The following PPP1R9A variants were observed in gnomAD, a reference collection of about 807,000 sequenced individuals.
PPP1R9A encodes the protein neurabin-1.
A neutral mutation model predicts 141.9 loss-of-function variants in PPP1R9A; 59 were observed. That is an observed-to-expected ratio of 0.42 (90% CI 0.34 to 0.52). PPP1R9A has a LOEUF of 0.52. PPP1R9A is among the 20% of genes least tolerant of loss of function. The pLI is 0.10. For synonymous variants in PPP1R9A, 500 were observed against 569.7 expected (o/e 0.88, Z 1.74); for missense variants, 1,444 against 1,611.9 (o/e 0.90, Z 1.78).
At chr7:94,913,596 A>T (rs1208699805) in intron 2 of PPP1R9A, among the ~76,000 whole-genome samples, 2 of 152,192 alleles carry the variant, frequency 1.3e-5, no homozygotes, top group African/African-American at 4.8e-5. Flanking sequence ...AATGAATAAC[A>T]CAATTACTCT....
chr7:95,109,314 A>G (rs1584733524), intron 2 of PPP1R9A, among the ~76,000 whole-genome samples: 1 of 152,216 alleles, frequency 6.6e-6, no homozygotes, highest in Non-Finnish European at 1.5e-5. Flanking sequence ...TGCTGCTTTT[A>G]TATCAGTTAC....
At chr7:95,161,186 G>GTT (rs202222028) in intron 4 of PPP1R9A, among the ~76,000 whole-genome samples, 1 of 147,300 alleles carries the variant, frequency 6.8e-6, no homozygotes, top group Admixed American at 6.8e-5. Context: ...GCATCTGTTT[G>GTT]TTTTTTTTTT....
intron 9 of PPP1R9A, 134 bp from the exon 10 acceptor site, chr7:95,249,892 T>C: frequency 8.1e-7 from 1 of 1,241,294 alleles, no homozygotes; most frequent in Non-Finnish European, 1.1e-6. Flanking sequence ...AAATAATACC[T>C]GCTTTTCTCA....
Position 95,247,470 on chromosome 7 carries a change from C to T in PPP1R9A, c.2113-3C>T. Reference sequence around the variant, plus strand: ...AGATTTTTTCTTTCTTTTCAATTTTCAGTTGCAAATCAAACATGCAGTTAC... The same window carrying T: ...AGATTTTTTCTTTCTTTTCAATTTTTAGTTGCAAATCAAACATGCAGTTAC... On this transcript the variant is annotated splice_region_variant and splice_polypyrimidine_tract_variant and intron_variant, in intron 8 of 19. Coordinates refer to ENST00000433360, the MANE Select transcript of PPP1R9A (RefSeq NM_001166160.2). The T allele has an allele frequency of 1.2e-6, 2 of 1,603,648 alleles. No individual in the cohort carries two copies. Among genetic ancestry groups the T allele is most frequent in the South Asian group, 2.2e-5 (2 of 90,032 alleles).
At position 95,238,171 on chromosome 7, in the gene PPP1R9A, A is replaced by G. The variant is rs192511903; in HGVS notation, c.2113-9302A>G. On this transcript the variant is annotated intron_variant, in intron 8 of 19. Transcript: ENST00000433360. ...TTTTTGTATTTCAGGAGTTTTAGTT[A>G]CATATATTTGTAAGTGTACTTTTTA... Among the ~76,000 whole-genome samples the G allele has an allele frequency of 2.0e-5, 3 of 152,268 alleles. No individual in the cohort carries two copies. The East Asian group carries it at 5.8e-4, about 29-fold the overall frequency.
intron 5 of PPP1R9A, among the ~76,000 whole-genome samples, chr7:95,197,505 C>A (rs1292411686): frequency 1.3e-5 from 2 of 152,010 alleles, no homozygotes; most frequent in Non-Finnish European, 2.9e-5. Flanking sequence ...ACTATCTTTC[C>A]CCCCAAAGGA....
intron 2 of PPP1R9A, among the ~76,000 whole-genome samples, chr7:95,073,630 T>C (rs908405328): frequency 1.4e-5 from 2 of 143,368 alleles, no homozygotes; most frequent in East Asian, 3.9e-4. Flanking sequence ...ATAAGTTTTT[T>C]TTTTTTTTTT....
intron 4 of PPP1R9A, among the ~76,000 whole-genome samples, chr7:95,132,010 G>A (rs1824731759): frequency 6.6e-6 from 1 of 152,194 alleles, no homozygotes; most frequent in South Asian, 2.1e-4. Flanking sequence ...TTGATGTATA[G>A]AAATGCTACT....
intron 12 of PPP1R9A, among the ~76,000 whole-genome samples, chr7:95,267,991 G>A (rs1394821339): frequency 6.6e-6 from 1 of 152,028 alleles, no homozygotes; most frequent in African/African-American, 2.4e-5. Flanking sequence ...TCTTTCTACA[G>A]GTTTCAAAAA....
intron 2 of PPP1R9A, among the ~76,000 whole-genome samples, chr7:95,000,568 A>T (rs557617741): frequency 3.6e-4 from 55 of 152,078 alleles, no homozygotes; most frequent in African/African-American, 1.2e-3. Context: ...TCCAGGTGAA[A>T]ATTTCCTACC....
At chr7:94,921,246 A>G (rs985646927) in intron 2 of PPP1R9A, among the ~76,000 whole-genome samples, 8 of 152,170 alleles carry the variant, frequency 5.3e-5, no homozygotes, top group African/African-American at 1.7e-4. Context: ...GGAAATCGAG[A>G]CCATCCTGGC....
chr7:94,955,738 A>G (rs1269939850), intron 2 of PPP1R9A, among the ~76,000 whole-genome samples: 1 of 152,168 alleles, frequency 6.6e-6, no homozygotes, highest in African/African-American at 2.4e-5. Context: ...TCACATTGTG[A>G]TAACTTGAAT....
intron 2 of PPP1R9A, among the ~76,000 whole-genome samples, chr7:94,941,702 G>A (rs1326129412): frequency 6.6e-6 from 1 of 151,964 alleles, no homozygotes; most frequent in Non-Finnish European, 1.5e-5. Context: ...GGGCTGGCAA[G>A]TGTGGGAACC....
chr7:95,035,375 C>G lies in PPP1R9A; in HGVS notation c.1396-75884C>G, dbSNP rs1008931031. Among the ~76,000 whole-genome samples the G allele has an allele frequency of 5.3e-5, 8 of 152,038 alleles. 1 individual carries two copies. The South Asian group carries it at 1.7e-3, about 32-fold the overall frequency. ...TAAATACTCCACATTGTACATAGAG[C>G]CCAATTTTTTAGCATAGGAAAAAAT... On this transcript the variant is annotated intron_variant, in intron 2 of 19. Coordinates refer to ENST00000433360, the MANE Select transcript of PPP1R9A (RefSeq NM_001166160.2).
At chr7:95,161,109 G>A (rs1231204432) in intron 4 of PPP1R9A, among the ~76,000 whole-genome samples, 1 of 152,126 alleles carries the variant, frequency 6.6e-6, no homozygotes, top group African/African-American at 2.4e-5. Flanking sequence ...GCTTTCCACA[G>A]TGGCTGAACT....
chr7:95,126,242 A>G (rs2152505010), intron 4 of PPP1R9A, among the ~76,000 whole-genome samples: 1 of 152,300 alleles, frequency 6.6e-6, no homozygotes, highest in East Asian at 1.9e-4. Context: ...TTTGTTGACA[A>G]AAGCCCCGTG....
At position 95,147,964 on chromosome 7, in the gene PPP1R9A, T is replaced by C. The variant is rs1015871954; in HGVS notation, c.1650-13903T>C. 2.4e-4 allele frequency among the ~76,000 whole-genome samples: 37 copies of C among 152,248 alleles called. 1 individual carries two copies. Among genetic ancestry groups the C allele is most frequent in the African/African-American group, 8.9e-4 (37 of 41,554 alleles). ...ATATTGGCCTGAAATTTTCTTTTTTTGTTGTGAAGAGTCATTTTTTAGAAA... is the reference window on the plus strand; with the variant it reads ...ATATTGGCCTGAAATTTTCTTTTTTCGTTGTGAAGAGTCATTTTTTAGAAA... On this transcript the variant is annotated intron_variant, in intron 4 of 19. Transcript: ENST00000433360.
chr7:95,214,351 G>A (rs1792820024), intron 7 of PPP1R9A: 1 of 152,084 alleles, frequency 6.6e-6, no homozygotes, highest in Non-Finnish European at 1.5e-5. Context: ...CCACTTCCAG[G>A]CTCCCTCATG....
chr7:95,239,848 AATC>A (rs1282909306), intron 8 of PPP1R9A, among the ~76,000 whole-genome samples: 1 of 151,832 alleles, frequency 6.6e-6, no homozygotes, highest in Non-Finnish European at 1.5e-5. Flanking sequence ...GAATTCAAAT[AATC>A]ATTTGAATGT....
Sources: allele counts gnomAD v4.1 joint callset (sites outside exome capture counted in the v4.1 genomes callset), GRCh38; gene constraint gnomAD v4.1.1; transcripts MANE v1.5; gene names NCBI Gene and HGNC (gene_info 2026-07-23, HGNC 2026-07-21).